Variants in ADD3 observed in about 807,000 individuals in gnomAD.
ADD3 encodes the protein gamma-adducin.
Under a neutral mutation model 80.2 loss-of-function variants are expected in ADD3, and 25 were observed. That is an observed-to-expected ratio of 0.31 (90% CI 0.23 to 0.44). ADD3 has a LOEUF of 0.44. Ranked by LOEUF, ADD3 falls within the 20% of genes least tolerant of loss-of-function variation. ADD3 has a pLI of 1.00. For synonymous variants in ADD3, 284 were observed against 289.6 expected, an observed-to-expected ratio of 0.98 and a Z score of 0.20; for missense variants, 829 against 847.5, an observed-to-expected ratio of 0.98 and a Z score of 0.27.
chr10:110,070,260 C>G (rs1420553847), intron 1 of ADD3, among the ~76,000 whole-genome samples: 1 of 152,104 alleles, frequency 6.6e-6, no homozygotes, highest in Admixed American at 6.5e-5. Context: ...CCCCAACCCA[C>G]TAAATTGCTA....
chr10:109,996,864 C>T (rs1851390192), intron 1 of ADD3, among the ~76,000 whole-genome samples: 1 of 152,206 alleles, frequency 6.6e-6, no homozygotes, highest in Non-Finnish European at 1.5e-5. Flanking sequence ...CTCTCTTCGG[C>T]CTCAATGAAT....
chr10:110,126,000 A>T, intron 11 of ADD3, 55 bp downstream of exon 11: 1 of 1,531,304 alleles, frequency 6.5e-7, no homozygotes, highest in East Asian at 2.3e-5. Context: ...TTATGTTTAA[A>T]TCACCAGTGG....
chr10:110,015,959 G>A (rs989589760), intron 1 of ADD3, among the ~76,000 whole-genome samples: 2 of 152,190 alleles, frequency 1.3e-5, no homozygotes, highest in Admixed American at 6.5e-5. Flanking sequence ...AATAACCTCT[G>A]AGAAGCTGAT....
chr10:110,062,304 G>C (rs12267198), intron 1 of ADD3, among the ~76,000 whole-genome samples: 1 of 150,282 alleles, frequency 6.7e-6, no homozygotes, highest in African/African-American at 2.5e-5. Context: ...TGAGGCAGGA[G>C]AATGGCTTGA....
intron 1 of ADD3, chr10:110,079,447 AGAGAGAGAGAGAGAGTGTGTGTGTGT>A (rs1845771901): frequency 7.4e-6 from 1 of 135,058 alleles, no homozygotes; most frequent in African/African-American, 3.0e-5. Context: ...AGAGAGAGAG[AGAGAGAGAGAGAGAGTGTGTGTGTGT>A]GTGTGTGTGT....
At position 110,119,519 on chromosome 10, in the gene ADD3, G is replaced by A; in HGVS notation, c.915G>A (p.Glu305=). Residue 305 remains glutamate (E), a synonymous_variant, in exon 8 of 15, where the codon GAG becomes GAA. Transcript: ENST00000356080. ...TTGCACTTGGAGAAACATTAGAGGA[G>A]GCTTTTCATTATATTTTTAATGTGC... The part of the protein sequence containing the change: ...GVVALGETLE[E]AFHYIFNVQL... 1 of 1,614,014 alleles carries A rather than the reference G, an allele frequency of 6.2e-7. No individual in the cohort carries two copies. The highest frequency in any genetic ancestry group is 1.1e-5 in the South Asian group (1 of 91,068).
intron 1 of ADD3, 106 bp from the exon 2 acceptor site, chr10:110,100,519 C>A: frequency 1.7e-6 from 1 of 586,826 alleles, no homozygotes; most frequent in Non-Finnish European, 2.7e-6. Flanking sequence ...TTTTAAAGTG[C>A]ACCTGTTAAC....
intron 1 of ADD3, among the ~76,000 whole-genome samples, chr10:110,012,123 G>T (rs1271345537): frequency 6.6e-6 from 1 of 152,168 alleles, no homozygotes; most frequent in African/African-American, 2.4e-5. Flanking sequence ...CTACTTGAGG[G>T]ATTCTCTTCC....
At chr10:109,996,826 G>C (rs1019077793) in intron 1 of ADD3, among the ~76,000 whole-genome samples, 7 of 152,186 alleles carry the variant, frequency 4.6e-5, no homozygotes, top group African/African-American at 9.7e-5. Context: ...TCAGTGGTGT[G>C]ACTGATGTCA....
intron 1 of ADD3, among the ~76,000 whole-genome samples, chr10:110,047,502 T>G (rs552672952): frequency 6.4e-4 from 98 of 152,346 alleles, no homozygotes; most frequent in African/African-American, 2.2e-3. Flanking sequence ...CCACGTCTTC[T>G]AAATCAGAAC....
Position 110,133,406 on chromosome 10 carries a change from G to C in ADD3, c.1909G>C (p.Asp637His), listed in dbSNP as rs749114407. 6.2e-7 allele frequency: 1 copy of C among 1,613,406 alleles called. No individual in the cohort carries two copies. The highest frequency in any genetic ancestry group is 1.3e-5 in the African/African-American group (1 of 74,910). Residue 637 changes from aspartate to histidine, a missense_variant, in exon 15 of 15, where the codon GAT (aspartate) becomes CAT (histidine). Physicochemically the swap from Asp to His is moderately conservative, Grantham distance 81. Coordinates refer to ENST00000356080, the MANE Select transcript of ADD3 (RefSeq NM_016824.5). The stretch of plus-strand genomic sequence containing the variant: ...AGTAAATGGCAAGGATGATATGCAT[G>C]ATGTTGAAGATGAGCTTGCTAAGCG... ...MVVNGKDDMH[D>H]VEDELAKRVS...
intron 1 of ADD3, among the ~76,000 whole-genome samples, chr10:110,012,982 CT>C (rs373409979): frequency 5.3e-5 from 8 of 149,678 alleles, no homozygotes; most frequent in African/African-American, 7.3e-5. Context: ...GTTATGTTTA[CT>C]TTTTTTTTTC....
chr10:110,102,365 T>G (rs1345078589), intron 2 of ADD3, among the ~76,000 whole-genome samples: 1 of 152,122 alleles, frequency 6.6e-6, no homozygotes, highest in Non-Finnish European at 1.5e-5. Flanking sequence ...TCCCAGCACT[T>G]TAGGATGCCA....
At chr10:110,024,912 CAA>C (rs1358501898) in intron 1 of ADD3, among the ~76,000 whole-genome samples, 1 of 151,018 alleles carries the variant, frequency 6.6e-6, no homozygotes, top group African/African-American at 2.4e-5. Context: ...CCAAACCACT[CAA>C]GTTTCCTCCT....
Position 110,133,751 on chromosome 10 carries a change from A to G in ADD3, c.*133A>G, listed in dbSNP as rs1853370737. ...GCAAACTGGACTTTAAGAACTGGAA[A>G]GAGGTTTTACAAAAGAAAAACTTTC... On this transcript the variant is annotated 3_prime_UTR_variant, in exon 15 of 15. Coordinates refer to ENST00000356080, the MANE Select transcript of ADD3 (RefSeq NM_016824.5). 8.3e-6 allele frequency: 6 copies of G among 722,224 alleles called. No homozygotes were observed. In the South Asian group the frequency reaches 2.0e-4, roughly 24 times the overall value. The allele number at this position is 722,224 out of a possible 1,614,324, so 44.7% of individuals were successfully genotyped here. A position where few individuals can be genotyped will look rare whatever the true frequency, so the allele number is the denominator to read the frequency against.
chr10:110,005,139 T>C (rs576637341), upstream of ADD3, among the ~76,000 whole-genome samples: 26 of 152,328 alleles, frequency 1.7e-4, no homozygotes, highest in African/African-American at 6.0e-4. Context: ...CTTGGCTCAC[T>C]GCAAGCTCCG....
At chr10:110,099,470 A>G (rs954583868) in intron 1 of ADD3, among the ~76,000 whole-genome samples, 1 of 152,116 alleles carries the variant, frequency 6.6e-6, no homozygotes, top group African/African-American at 2.4e-5. Flanking sequence ...GTGGGTCACA[A>G]CCCATTAGTG....
At chr10:110,065,457 A>G (rs1164390011) in intron 1 of ADD3, among the ~76,000 whole-genome samples, 2 of 148,928 alleles carry the variant, frequency 1.3e-5, no homozygotes, top group African/African-American at 2.5e-5. Context: ...GGACTTTACT[A>G]AAGTCTCTTA....
chr10:110,033,168 G>A (rs576958015), intron 1 of ADD3, among the ~76,000 whole-genome samples: 13 of 152,340 alleles, frequency 8.5e-5, no homozygotes, highest in African/African-American at 2.6e-4. Flanking sequence ...ACAAAAAGAA[G>A]ATTTTGATAT....
Sources: gnomAD v4.1 joint callset for allele counts (sites outside exome capture counted in the v4.1 genomes callset) on GRCh38, gnomAD v4.1.1 for gene constraint, MANE v1.5 for transcripts, NCBI Gene and HGNC (gene_info 2026-07-23, HGNC 2026-07-21) for gene names.